Variants in COBLL1 observed in about 807,000 individuals in gnomAD.
The protein encoded by COBLL1 is cordon-bleu protein-like 1.
A neutral mutation model predicts 94.8 loss-of-function variants in COBLL1; 50 were observed. The ratio of observed to expected loss-of-function variants is 0.53; its 90% CI spans 0.42 to 0.67. The LOEUF (loss-of-function observed/expected upper bound fraction) is 0.67. Ranked by LOEUF, COBLL1 falls within the 30% of genes least tolerant of loss-of-function variation. The pLI is 0.00. For synonymous variants in COBLL1, 448 were observed against 473.8 expected (o/e 0.95, Z 0.71); for missense variants, 1,362 against 1,348.7 (o/e 1.01, Z -0.15).
intron 2 of COBLL1, among the ~76,000 whole-genome samples, chr2:164,754,018 C>T (rs1279819406): frequency 6.6e-6 from 1 of 152,056 alleles, no homozygotes; most frequent in Non-Finnish European, 1.5e-5. Flanking sequence ...CAGGTGTGAG[C>T]CACCGTGCTG....
At chr2:164,733,374 T>A (rs964638764) in intron 3 of COBLL1, among the ~76,000 whole-genome samples, 1 of 152,204 alleles carries the variant, frequency 6.6e-6, no homozygotes, top group African/African-American at 2.4e-5. Flanking sequence ...AGAAAAAAGT[T>A]GCCGACTATA....
intron 2 of COBLL1, among the ~76,000 whole-genome samples, chr2:164,839,616 T>C (rs541647195): frequency 1.4e-3 from 206 of 152,342 alleles, no homozygotes; most frequent in Non-Finnish European, 2.5e-3. Context: ...TCTTTCTTTT[T>C]TGTTTTTTAA....
At chr2:164,816,246 C>A (rs1684738466) in intron 2 of COBLL1, among the ~76,000 whole-genome samples, 1 of 152,044 alleles carries the variant, frequency 6.6e-6, no homozygotes, top group African/African-American at 2.4e-5. Flanking sequence ...GAATTCCACA[C>A]TGAAGAAACA....
chr2:164,673,518 T>C (rs1342085525), intron 1 of COBLL1, among the ~76,000 whole-genome samples: 1 of 152,018 alleles, frequency 6.6e-6, no homozygotes, highest in African/African-American at 2.4e-5. Flanking sequence ...CCACTAAAAA[T>C]ACAAAAATTA....
chr2:164,750,938 C>T (rs985094462), intron 2 of COBLL1, among the ~76,000 whole-genome samples: 1 of 152,254 alleles, frequency 6.6e-6, no homozygotes, highest in Non-Finnish European at 1.5e-5. Context: ...ACAACCTCAG[C>T]GCCCCTCTTG....
intron 7 of COBLL1, among the ~76,000 whole-genome samples, chr2:164,715,972 AG>A (rs1004693312): frequency 1.1e-4 from 16 of 152,172 alleles, no homozygotes; most frequent in Non-Finnish European, 2.2e-4. Flanking sequence ...ATTCTCCAAA[AG>A]GTTCTGTGAA....
intron 7 of COBLL1, 121 bp downstream of exon 7, chr2:164,721,954 A>T: frequency 1.5e-6 from 1 of 668,704 alleles, no homozygotes; most frequent in Non-Finnish European, 2.5e-6. Context: ...ACTGTTACTA[A>T]TTACCAACTG....
chr2:164,788,514 T>A (rs1314778599), intron 2 of COBLL1, among the ~76,000 whole-genome samples: 1 of 152,110 alleles, frequency 6.6e-6, no homozygotes, highest in Non-Finnish European at 1.5e-5. Context: ...GAAACACCTA[T>A]CAGCTGGACA....
chr2:164,806,439 G>A (rs958289813), intron 2 of COBLL1, among the ~76,000 whole-genome samples: 2 of 152,078 alleles, frequency 1.3e-5, no homozygotes, highest in African/African-American at 4.8e-5. Context: ...TTAGAGGATG[G>A]CTTCTTTTTC....
chr2:164,774,298 A>C (rs1188884865), intron 2 of COBLL1, among the ~76,000 whole-genome samples: 1 of 152,182 alleles, frequency 6.6e-6, no homozygotes, highest in East Asian at 1.9e-4. Context: ...CAGGGCAAAC[A>C]TCATTTTCTA....
At chr2:164,763,693 T>C (rs1687802162) in intron 2 of COBLL1, among the ~76,000 whole-genome samples, 1 of 152,090 alleles carries the variant, frequency 6.6e-6, no homozygotes, top group Non-Finnish European at 1.5e-5. Context: ...TATTATCAAA[T>C]GACATAAAGA....
intron 2 of COBLL1, among the ~76,000 whole-genome samples, chr2:164,834,354 A>AATATATTCTAATATCTTATAAAT (rs1300167228): frequency 1.6e-4 from 24 of 152,318 alleles, no homozygotes; most frequent in Middle Eastern, 3.4e-3. Context: ...TTCTCTTTAA[A>AATATATTCTAATATCTTATAAAT]ATATATTCTA....
intron 2 of COBLL1, among the ~76,000 whole-genome samples, chr2:164,778,043 G>C (rs566949141): frequency 1.3e-5 from 2 of 152,242 alleles, no homozygotes; most frequent in East Asian, 3.9e-4. Flanking sequence ...TATGCATAAT[G>C]GCCAAGAGTT....
At chr2:164,689,237 C>A (rs1683467625) in intron 13 of COBLL1, among the ~76,000 whole-genome samples, 1 of 151,888 alleles carries the variant, frequency 6.6e-6, no homozygotes, top group Non-Finnish European at 1.5e-5. Flanking sequence ...TATTGTGAAC[C>A]AACCATTATA....
At chr2:164,673,451 C>T (rs1331915103) in intron 1 of COBLL1, among the ~76,000 whole-genome samples, 4 of 152,076 alleles carry the variant, frequency 2.6e-5, no homozygotes. Context: ...GAGGCAGGCA[C>T]ATCACTTGAG....
At chr2:164,716,153 A>T (rs1454732150) in intron 7 of COBLL1, among the ~76,000 whole-genome samples, 1 of 152,180 alleles carries the variant, frequency 6.6e-6, no homozygotes. Context: ...CGGTGCAGAA[A>T]CTAGATTTCT....
downstream of COBLL1, among the ~76,000 whole-genome samples, chr2:164,679,024 T>TGTG (rs1682920299): frequency 6.6e-6 from 1 of 152,160 alleles, no homozygotes; most frequent in African/African-American, 2.4e-5. Flanking sequence ...TACCAACTCC[T>TGTG]ATCCACCCAG....
At chr2:164,703,460 T>C (rs73013657) in intron 9 of COBLL1, among the ~76,000 whole-genome samples, 1,669 of 152,352 alleles carry the variant, frequency 0.011, 34 homozygotes, top group African/African-American at 0.038. Flanking sequence ...ACAGTTGTAA[T>C]TGTTATTATT....
At chr2:164,673,985 G>A (rs1237007051) in intron 1 of COBLL1, among the ~76,000 whole-genome samples, 3 of 152,134 alleles carry the variant, frequency 2.0e-5, no homozygotes, top group African/African-American at 7.2e-5. Flanking sequence ...TTGTAGGAAG[G>A]TAGAATTGGT....
Sources: allele counts gnomAD v4.1 joint callset (sites outside exome capture counted in the v4.1 genomes callset), GRCh38; gene constraint gnomAD v4.1.1; transcripts MANE v1.5; gene names NCBI Gene and HGNC (gene_info 2026-07-23, HGNC 2026-07-21).